The following SEM1 variants were observed in gnomAD, a reference collection of about 807,000 sequenced individuals.
SEM1 encodes SEM1 26S proteasome subunit.
A neutral mutation model predicts 12.7 loss-of-function variants in SEM1; 3 were observed. The observed-to-expected ratio is 0.24, with a 90% CI of 0.11 to 0.61. The LOEUF is 0.61. Among genes scored for constraint, SEM1 ranks in the 20% least tolerant of loss-of-function variants. SEM1 has a pLI of 0.88. For synonymous variants in SEM1, 30 were observed against 27.8 expected, an observed-to-expected ratio of 1.08 and a Z score of -0.25; for missense variants, 59 against 81.3, an observed-to-expected ratio of 0.73 and a Z score of 1.06.
downstream of SEM1, among the ~76,000 whole-genome samples, chr7:96,685,949 A>T (rs1313613098): frequency 6.6e-6 from 1 of 152,074 alleles, no homozygotes; most frequent in Non-Finnish European, 1.5e-5. Flanking sequence ...TTATGAGTCA[A>T]ACCTTGAAGT....
At chr7:96,571,125 T>C (rs1421973403) in intron 2 of SEM1, among the ~76,000 whole-genome samples, 2 of 152,150 alleles carry the variant, frequency 1.3e-5, no homozygotes, top group East Asian at 1.9e-4. Flanking sequence ...GATGGATAGA[T>C]TGCAAAAATT....
intron 2 of SEM1, among the ~76,000 whole-genome samples, chr7:96,664,644 C>T (rs1157627789): frequency 6.6e-6 from 1 of 152,180 alleles, no homozygotes; most frequent in South Asian, 2.1e-4. Flanking sequence ...AATATGTTCA[C>T]AGACTCAGGG....
At chr7:96,585,471 T>C (rs188211323) in intron 2 of SEM1, among the ~76,000 whole-genome samples, 3,043 of 152,328 alleles carry the variant, frequency 0.02, 92 homozygotes, top group African/African-American at 0.069. Context: ...CAGGCAGGCC[T>C]CCTTCAGCTG....
At chr7:96,665,803 A>G (rs1789155639) in intron 2 of SEM1, among the ~76,000 whole-genome samples, 1 of 152,178 alleles carries the variant, frequency 6.6e-6, no homozygotes, top group Non-Finnish European at 1.5e-5. Flanking sequence ...AGTGATTCCA[A>G]TGAACAACTA....
rs769831619 is a variant in SEM1 at position 96,709,637 on chromosome 7, G to A, written c.76+51C>T. 1.9e-6 allele frequency: 3 copies of A among 1,574,570 alleles called. No homozygotes were observed. In the South Asian group the frequency reaches 3.3e-5, roughly 17 times the overall value. On this transcript the variant is annotated intron_variant, in intron 1 of 2. Coordinates refer to ENST00000248566, the MANE Select transcript of SEM1 (RefSeq NM_006304.2). ...CGAGCACCCAAGCTACCTCCACACG[G>A]AGGCCTGAGTCACCGTTCGCGCGAC...
chr7:96,692,251 A>G (rs953419929), intron 2 of SEM1, among the ~76,000 whole-genome samples: 3 of 152,234 alleles, frequency 2.0e-5, no homozygotes, highest in Non-Finnish European at 2.9e-5. Flanking sequence ...TCAACAATGT[A>G]TCAATCAGTT....
chr7:96,544,946 G>A (rs1042091376), intron 2 of SEM1, among the ~76,000 whole-genome samples: 1 of 151,952 alleles, frequency 6.6e-6, no homozygotes, highest in African/African-American at 2.4e-5. Context: ...GAAAATTCAA[G>A]TTTAAGTAAA....
In SEM1 at chr7:96,549,758, T is replaced by G. The variant is rs574353808; in HGVS notation, c.171-43060A>C. ...ACTGCCATTTCCAAATGTTCTTATT[T>G]AGTTCTTTTTTTCCCTAAAAACAAA... On this transcript the variant is annotated intron_variant and NMD_transcript_variant, in intron 2 of 3. Transcript: ENST00000466986. Among the ~76,000 whole-genome samples the G allele has an allele frequency of 2.0e-5, 3 of 152,320 alleles. No individual in the cohort carries two copies. In the South Asian group the frequency reaches 6.2e-4, roughly 32 times the overall value.
chr7:96,489,805 A>G (rs1330251659), intron 1 of SEM1, among the ~76,000 whole-genome samples: 1 of 152,164 alleles, frequency 6.6e-6, no homozygotes, highest in Non-Finnish European at 1.5e-5. Flanking sequence ...CCGCCTTCAC[A>G]TGCACATGGC....
chr7:96,674,818 T>C (rs1329056619), intron 2 of SEM1, among the ~76,000 whole-genome samples: 2 of 149,272 alleles, frequency 1.3e-5, no homozygotes, highest in African/African-American at 2.6e-5. Flanking sequence ...CTCATGGGCA[T>C]TGAAAAATCA....
intron 2 of SEM1, among the ~76,000 whole-genome samples, chr7:96,674,889 G>T (rs1789412417): frequency 6.6e-6 from 1 of 152,144 alleles, no homozygotes; most frequent in Admixed American, 6.5e-5. Flanking sequence ...TCCCTGTTAT[G>T]CTCTCTTCTG....
intron 2 of SEM1, among the ~76,000 whole-genome samples, chr7:96,648,362 T>C (rs1808869058): frequency 6.6e-6 from 1 of 152,128 alleles, no homozygotes; most frequent in Non-Finnish European, 1.5e-5. Flanking sequence ...ACAGTGTAAG[T>C]GGACACAGAA....
chr7:96,701,509 G>C (rs1208272708), intron 1 of SEM1, among the ~76,000 whole-genome samples: 1 of 151,982 alleles, frequency 6.6e-6, no homozygotes, highest in African/African-American at 2.4e-5. Flanking sequence ...CTCCAGAATG[G>C]GTGAGAAAAT....
chr7:96,556,586 G>C (rs1805510121), intron 2 of SEM1, among the ~76,000 whole-genome samples: 2 of 151,308 alleles, frequency 1.3e-5, no homozygotes, highest in South Asian at 4.2e-4. Flanking sequence ...GCTTCCCTTT[G>C]AGGGTAACCC....
chr7:96,651,703 C>G (rs530146630), intron 2 of SEM1, among the ~76,000 whole-genome samples: 1 of 152,308 alleles, frequency 6.6e-6, no homozygotes, highest in Admixed American at 6.5e-5. Flanking sequence ...TCCCAAGTAG[C>G]TGGGATTACA....
chr7:96,578,004 T>C (rs1398042561), intron 2 of SEM1, among the ~76,000 whole-genome samples: 1 of 151,966 alleles, frequency 6.6e-6, no homozygotes, highest in Non-Finnish European at 1.5e-5. Context: ...TAAAAGACTA[T>C]GAAAAATGAC....
intron 2 of SEM1, among the ~76,000 whole-genome samples, chr7:96,636,869 T>C (rs1182482417): frequency 1.3e-5 from 2 of 152,024 alleles, no homozygotes; most frequent in East Asian, 3.9e-4. Flanking sequence ...CTGTTACTCA[T>C]GGTAAAGTCC....
chr7:96,567,537 C>T (rs1013242364), intron 2 of SEM1, among the ~76,000 whole-genome samples: 1 of 151,296 alleles, frequency 6.6e-6, no homozygotes, highest in Admixed American at 6.6e-5. Flanking sequence ...ACCTCTAAAG[C>T]AATGAGAAGT....
intron 2 of SEM1, chr7:96,486,107 C>T (rs1802744273): frequency 2.4e-6 from 2 of 833,614 alleles, no homozygotes; most frequent in Non-Finnish European, 3.7e-6. Context: ...CACAATGTTG[C>T]TGGCCTTTAG....
Sources: gnomAD v4.1 joint callset for allele counts (sites outside exome capture counted in the v4.1 genomes callset) on GRCh38, gnomAD v4.1.1 for gene constraint, MANE v1.5 for transcripts, NCBI Gene and HGNC (gene_info 2026-07-23, HGNC 2026-07-21) for gene names.